Variants in SCRN1 observed in about 807,000 individuals in gnomAD.
SCRN1 encodes the protein secernin 1, also known as secernin-1.
Under a neutral mutation model 43.3 loss-of-function variants are expected in SCRN1, and 19 were observed. That is an observed-to-expected ratio of 0.44 (90% CI 0.31 to 0.64). The LOEUF is 0.64. SCRN1 is among the 30% of genes least tolerant of loss of function. SCRN1 has a pLI of 0.09. For synonymous variants in SCRN1, 183 were observed against 188.9 expected (o/e 0.97, Z 0.26); for missense variants, 447 against 524.1 (o/e 0.85, Z 1.44).
intron 5 of SCRN1, among the ~76,000 whole-genome samples, chr7:29,938,688 T>TC (rs1250569702): frequency 6.6e-6 from 1 of 152,254 alleles, no homozygotes; most frequent in Non-Finnish European, 1.5e-5. Flanking sequence ...TCCCTTTATT[T>TC]CGGCCCATCC....
intron 7 of SCRN1, among the ~76,000 whole-genome samples, chr7:29,924,569 G>A (rs1459887500): frequency 2.0e-5 from 3 of 152,046 alleles, no homozygotes; most frequent in East Asian, 3.9e-4. Context: ...CCTCTTCCCC[G>A]CACAGTGCCA....
upstream of SCRN1, chr7:29,990,130 C>A (rs1342841656): frequency 1.3e-6 from 2 of 1,551,202 alleles, no homozygotes; most frequent in South Asian, 1.2e-5. Context: ...GTTGCTACGT[C>A]CGGGCCTCGG....
chr7:29,941,097 T>C (rs1403997105), intron 4 of SCRN1, among the ~76,000 whole-genome samples: 1 of 152,226 alleles, frequency 6.6e-6, no homozygotes, highest in East Asian at 1.9e-4. Context: ...ACATTTTAAA[T>C]GAGCAACAGT....
rs1240687110 is a variant in SCRN1, at chr7:29,923,530, CTT to C, written c.*425_*426del. The C allele has an allele frequency of 6.5e-5, 11 of 168,260 alleles. No homozygotes were observed. Among genetic ancestry groups the C allele is most frequent in the Admixed American group, 2.8e-4 (5 of 17,920 alleles). The allele number at this position is 168,260 out of a possible 1,614,324, so 10.4% of individuals were successfully genotyped here. ...GCCCTGTGTGTGTGCACAAATGCCT[CTT>C]GTTAACCTGAAAGAAACCGCTACTG... On this transcript the variant is annotated 3_prime_UTR_variant, in exon 8 of 8. Coordinates refer to ENST00000242059, the MANE Select transcript of SCRN1 (RefSeq NM_014766.5).
intron 1 of SCRN1, among the ~76,000 whole-genome samples, chr7:29,980,162 T>C (rs1248651219): frequency 6.6e-6 from 1 of 152,156 alleles, no homozygotes; most frequent in Non-Finnish European, 1.5e-5. Context: ...GTGTCAGGAA[T>C]AGAGATAAAT....
chr7:29,921,054 T>C lies in SCRN1; in HGVS notation c.*2903A>G, dbSNP rs1786738889. On this transcript the variant is annotated 3_prime_UTR_variant, in exon 8 of 8. Coordinates refer to ENST00000242059, the MANE Select transcript of SCRN1 (RefSeq NM_014766.5). ...CTTCTGTCCTTGAATATGAGGGCTATCTTCACCTATAGTAAATCCCATCTA... is the reference window on the plus strand; with the variant it reads ...CTTCTGTCCTTGAATATGAGGGCTACCTTCACCTATAGTAAATCCCATCTA... 3.3e-5 allele frequency: 5 copies of C among 152,662 alleles called. No individual in the cohort carries two copies. The South Asian group carries it at 1.0e-3, about 32-fold the overall frequency. 9.5% of individuals were successfully genotyped at this position (152,662 alleles called of 1,614,324 possible).
chr7:29,969,242 C>G, intron 1 of SCRN1, 174 bp from the exon 2 acceptor site: 1 of 635,980 alleles, frequency 1.6e-6, no homozygotes, highest in Non-Finnish European at 2.6e-6. Context: ...AGTGGAATGA[C>G]AGAGCCACCG....
intron 3 of SCRN1, among the ~76,000 whole-genome samples, chr7:29,952,339 T>C (rs1342335809): frequency 5.3e-5 from 8 of 152,198 alleles, no homozygotes; most frequent in Non-Finnish European, 1.5e-5. Flanking sequence ...TTTTGACTTG[T>C]AGTATCAATA....
rs1237767601 is a variant in SCRN1 at position 29,921,327 on chromosome 7, T to C, written c.*2630A>G. On this transcript the variant is annotated 3_prime_UTR_variant, in exon 8 of 8. Transcript: ENST00000242059. ...AGAAAAGCAATCCCTGGTCCACAAA[T>C]TATTCATGTAACAAGCATTTTTCAA... is the stretch of plus-strand genomic sequence containing the variant. 6.6e-6 allele frequency: 1 copy of C among 152,380 alleles called. No individual in the cohort carries two copies. The highest frequency in any genetic ancestry group is 1.9e-4 in the East Asian group (1 of 5,202). 9.4% of individuals were successfully genotyped at this position (152,380 alleles called of 1,614,324 possible).
chr7:29,974,452 A>G (rs11978244), intron 1 of SCRN1, among the ~76,000 whole-genome samples: 23,657 of 152,058 alleles, frequency 0.16, 1,952 homozygotes, highest in African/African-American at 0.2. Flanking sequence ...AGTTGTCCAC[A>G]TGGGAAAAGA....
intron 1 of SCRN1, among the ~76,000 whole-genome samples, chr7:29,983,177 T>A (rs1789046598): frequency 6.6e-6 from 1 of 151,540 alleles, no homozygotes; most frequent in Admixed American, 6.6e-5. Flanking sequence ...TTTTTTTAAG[T>A]TCATCATTAG....
intron 1 of SCRN1, among the ~76,000 whole-genome samples, chr7:29,970,136 C>T (rs1205158490): frequency 2.0e-5 from 3 of 152,176 alleles, no homozygotes; most frequent in Non-Finnish European, 2.9e-5. Flanking sequence ...CAAAGTGATC[C>T]TTTTAGAAGG....
chr7:29,945,986 A>T (rs1787724361), intron 3 of SCRN1, among the ~76,000 whole-genome samples: 1 of 152,224 alleles, frequency 6.6e-6, no homozygotes, highest in Non-Finnish European at 1.5e-5. Context: ...GATGCTTCCT[A>T]AAGGGATATT....
chr7:29,933,254 A>G (rs887694919), intron 6 of SCRN1, among the ~76,000 whole-genome samples: 1 of 152,028 alleles, frequency 6.6e-6, no homozygotes, highest in African/African-American at 2.4e-5. Context: ...TAACAACTAT[A>G]TCTCTGAAAA....
At chr7:29,924,268 T>C (rs750687757) in intron 7 of SCRN1, among the ~76,000 whole-genome samples, 153 bp from the exon 8 acceptor site, 11 of 152,216 alleles carry the variant, frequency 7.2e-5, no homozygotes, top group Non-Finnish European at 7.3e-5. Context: ...GGGATTGTTC[T>C]AGAATGCCAG....
At chr7:29,970,203 G>C (rs1334343017) in intron 1 of SCRN1, among the ~76,000 whole-genome samples, 1 of 152,124 alleles carries the variant, frequency 6.6e-6, no homozygotes, top group Non-Finnish European at 1.5e-5. Flanking sequence ...CAAGGCTCTT[G>C]GAATAAAGAC....
chr7:29,939,923 G>A (rs1382839468), intron 5 of SCRN1, among the ~76,000 whole-genome samples: 1 of 151,716 alleles, frequency 6.6e-6, no homozygotes, highest in Non-Finnish European at 1.5e-5. Flanking sequence ...GCCAAGGCGG[G>A]CAAATCTCTT....
chr7:29,988,075 C>A lies in SCRN1; in HGVS notation c.-2+1567G>T, dbSNP rs145084265. ...AAAAAAAAATTCTAAAATGAGTCAC[C>A]TTTCAAGAATTTCCCATTTCCTCAT... On this transcript the variant is annotated intron_variant, in intron 1 of 7. Transcript: ENST00000242059. Among the ~76,000 whole-genome samples, 513 of 152,270 alleles carry A rather than the reference C, an allele frequency of 3.4e-3. 1 individual carries two copies. The highest frequency in any genetic ancestry group is 0.012 in the African/African-American group (490 of 41,540).
rs1339180777 is a variant in SCRN1 at position 29,961,884 on chromosome 7, T to C, written c.160-6524A>G. Among the ~76,000 whole-genome samples, 3 of 152,206 alleles carry C rather than the reference T, an allele frequency of 2.0e-5. No individual in the cohort carries two copies. In the East Asian group the frequency reaches 5.8e-4, roughly 30 times the overall value. On this transcript the variant is annotated intron_variant, in intron 2 of 7. Transcript: ENST00000242059. ...TCTTCTAGTCTTAAATACAGTGAAC[T>C]TGACATATGGAGATGATGGCTGGAT...
Sources: gnomAD v4.1 joint callset for allele counts (sites outside exome capture counted in the v4.1 genomes callset) on GRCh38, gnomAD v4.1.1 for gene constraint, MANE v1.5 for transcripts, NCBI Gene and HGNC (gene_info 2026-07-23, HGNC 2026-07-21) for gene names.